Variants in PCSK6 observed in about 807,000 individuals in gnomAD.
PCSK6 encodes the protein paired basic amino acid cleaving enzyme 4.
A neutral mutation model predicts 123.3 loss-of-function variants in PCSK6; 85 were observed. The observed-to-expected ratio is 0.69, with a 90% CI of 0.58 to 0.83. The LOEUF is 0.83. PCSK6 is among the 40% of genes least tolerant of loss of function. The pLI is 0.00. For synonymous variants in PCSK6, 508 were observed against 516.0 expected, an observed-to-expected ratio of 0.98 and a Z score of 0.21; for missense variants, 1,191 against 1,282.3, an observed-to-expected ratio of 0.93 and a Z score of 1.09.
intron 3 of PCSK6, 100 bp from the exon 4 acceptor site, chr15:101,431,563 G>C: frequency 6.9e-6 from 10 of 1,449,022 alleles, no homozygotes; most frequent in Non-Finnish European, 8.6e-6. Flanking sequence ...AGGCTTGCAA[G>C]TAAAAAAGGA....
At chr15:101,452,045 C>T (rs1313237917) in intron 1 of PCSK6, among the ~76,000 whole-genome samples, 1 of 152,214 alleles carries the variant, frequency 6.6e-6, no homozygotes, top group Non-Finnish European at 1.5e-5. Flanking sequence ...TAGCAACATT[C>T]TGTTATTGCA....
intron 6 of PCSK6, among the ~76,000 whole-genome samples, chr15:101,421,891 G>A (rs549802851): frequency 1.3e-5 from 2 of 152,296 alleles, no homozygotes; most frequent in African/African-American, 4.8e-5. Flanking sequence ...CAAGTTTTAA[G>A]TTCAACAATG....
chr15:101,458,954 C>G lies in PCSK6; in HGVS notation c.298-15294G>C, dbSNP rs181893163. 4.8e-4 allele frequency among the ~76,000 whole-genome samples: 73 copies of G among 152,292 alleles called. 1 individual carries two copies. The highest frequency in any genetic ancestry group is 1.0e-4 in the Non-Finnish European group (7 of 68,034). ...CATCCCGCAAGCATGCTGGATGGGC[C>G]TGGATTTTACTACTGACAGCTGTAG... is the stretch of plus-strand genomic sequence containing the variant. On this transcript the variant is annotated intron_variant, in intron 1 of 21. Transcript: ENST00000611716.
At chr15:101,489,321 C>G (rs2058104576) in intron 1 of PCSK6, 53 bp downstream of exon 1, 2 of 1,080,738 alleles carry the variant, frequency 1.9e-6, no homozygotes, top group Non-Finnish European at 1.1e-6. Context: ...CCCCCTCGCG[C>G]GCGCCGGAGG....
intron 1 of PCSK6, among the ~76,000 whole-genome samples, chr15:101,478,003 A>G (rs908669110): frequency 5.3e-5 from 8 of 151,878 alleles, no homozygotes; most frequent in Non-Finnish European, 1.2e-4. Context: ...TTCTGCCCCA[A>G]CCCTCCATCT....
In PCSK6 at chr15:101,398,198, G is replaced by A. The variant is rs757185329; in HGVS notation, c.996+206C>T. 2.6e-5 allele frequency among the ~76,000 whole-genome samples: 4 copies of A among 152,146 alleles called. No homozygotes were observed. Among genetic ancestry groups the A allele is most frequent in the South Asian group, 2.1e-4 (1 of 4,822 alleles). On this transcript the variant is annotated intron_variant, in intron 7 of 21. Coordinates refer to ENST00000611716, the MANE Select transcript of PCSK6 (RefSeq NM_002570.5). This position sits in a 1 kb window ranked among gnomAD's most constrained non-coding sequence, Gnocchi z 4.6. ...GTCACTGGAACAGCTGTTCTGGAAC[G>A]AGGCAAAAACACTTCTGCTCTCGCC...
chr15:101,443,801 T>A (rs1041834796), intron 1 of PCSK6, 141 bp from the exon 2 acceptor site: 1 of 665,704 alleles, frequency 1.5e-6, no homozygotes, highest in Admixed American at 2.4e-5. Context: ...CTGCTCCTCA[T>A]ATCTCTGGCA....
At chr15:101,352,760 T>C (rs1253067877) in intron 13 of PCSK6, among the ~76,000 whole-genome samples, 2 of 152,256 alleles carry the variant, frequency 1.3e-5, no homozygotes, top group Non-Finnish European at 2.9e-5. Context: ...GAATAGGTTT[T>C]CCTTGCATTC....
At chr15:101,326,584 GA>G in intron 15 of PCSK6, 105 bp from the exon 16 acceptor site, 2 of 1,129,354 alleles carry the variant, frequency 1.8e-6, no homozygotes, top group Non-Finnish European at 2.5e-6. Context: ...AGGGTTGGGA[GA>G]CGCTCCCAGG....
intron 11 of PCSK6, among the ~76,000 whole-genome samples, chr15:101,372,810 T>G (rs554492776): frequency 2.2e-4 from 34 of 152,318 alleles, no homozygotes; most frequent in African/African-American, 7.5e-4. Context: ...ACCTTTCCAG[T>G]GCTGAATAGC....
chr15:101,320,470 C>T (rs549761378), intron 18 of PCSK6, among the ~76,000 whole-genome samples: 1 of 152,160 alleles, frequency 6.6e-6, no homozygotes, highest in African/African-American at 2.4e-5. Context: ...TTTTGGCTAC[C>T]AGAGGTGAAG....
In PCSK6 at chr15:101,489,494, G is replaced by GGCAGGCAGCGCCAGCAGCA. The variant is rs2058116988; in HGVS notation, c.158_176dup (p.Cys61AlafsTer62). ...GGCGCGGCGGGGGCGCGGAGCAGGC[G>GGCAGGCAGCGCCAGCAGCA]GCAGGCAGCGCCAGCAGCAGCAGCC... On this transcript the variant is annotated frameshift_variant, in exon 1 of 22. Transcript: ENST00000611716. LOFTEE classifies it high-confidence loss of function. 9.4e-7 allele frequency: 1 copy of GGCAGGCAGCGCCAGCAGCA among 1,065,580 alleles called. No individual in the cohort carries two copies. The allele number at this position is 1,065,580 out of a possible 1,614,324, so 66.0% of individuals were successfully genotyped here. A position where few individuals can be genotyped will look rare whatever the true frequency, so the allele number is the denominator to read the frequency against.
intron 12 of PCSK6, among the ~76,000 whole-genome samples, chr15:101,367,773 A>G (rs2041444798): frequency 6.6e-6 from 1 of 152,214 alleles, no homozygotes; most frequent in Admixed American, 6.5e-5. Context: ...GAAAAAAACC[A>G]AAGTCCCAAG....
chr15:101,429,617 G>A (rs982712374), intron 5 of PCSK6, among the ~76,000 whole-genome samples: 7 of 152,214 alleles, frequency 4.6e-5, no homozygotes, highest in Non-Finnish European at 7.3e-5. Flanking sequence ...GCTCAGGCAC[G>A]TGACCTGTGT....
intron 1 of PCSK6, among the ~76,000 whole-genome samples, chr15:101,469,584 G>A (rs754509296): frequency 4.6e-5 from 7 of 152,168 alleles, no homozygotes; most frequent in Admixed American, 6.5e-5. Flanking sequence ...TGGTGGGCAC[G>A]AGCCCCGAAG....
At chr15:101,310,858 TC>T (rs973090874) in intron 20 of PCSK6, among the ~76,000 whole-genome samples, 33 of 152,186 alleles carry the variant, frequency 2.2e-4, no homozygotes, top group Non-Finnish European at 4.4e-5. Flanking sequence ...TGGGCACCCC[TC>T]CCCTGCTCTG....
intron 13 of PCSK6, chr15:101,365,001 C>G: frequency 1.3e-6 from 1 of 778,428 alleles, no homozygotes; most frequent in Non-Finnish European, 2.4e-6. Flanking sequence ...AAACGAACCT[C>G]TCTTCTGTGG....
At chr15:101,456,955 T>C (rs1234359685) in intron 1 of PCSK6, among the ~76,000 whole-genome samples, 1 of 152,104 alleles carries the variant, frequency 6.6e-6, no homozygotes, top group East Asian at 1.9e-4. Flanking sequence ...GCAGATCACC[T>C]GGGGTCGGGA....
chr15:101,337,393 T>G (rs2040506707), intron 13 of PCSK6: 1 of 152,228 alleles, frequency 6.6e-6, no homozygotes, highest in African/African-American at 2.4e-5. Flanking sequence ...AAATGAGAAT[T>G]CCATACCTAT....
Sources: gnomAD v4.1 joint callset for allele counts (sites outside exome capture counted in the v4.1 genomes callset) on GRCh38, gnomAD v4.1.1 for gene constraint, Gnocchi (gnomAD v3.1) non-coding constraint, MANE v1.5 for transcripts, NCBI Gene and HGNC (gene_info 2026-07-23, HGNC 2026-07-21) for gene names.